POLR1D: variants seen among roughly 807,000 people sequenced by gnomAD.
POLR1D encodes the protein RNA polymerase I and III subunit D, also known as DNA-directed RNA polymerases I and III subunit RPAC2.
A neutral mutation model predicts 10.8 loss-of-function variants in POLR1D; 8 were observed. That is an observed-to-expected ratio of 0.74 (90% CI 0.43 to 1.33). The LOEUF (loss-of-function observed/expected upper bound fraction) is 1.33, where lower values mean the gene tolerates loss of function less well. Among genes scored for constraint, POLR1D ranks in the 40% most tolerant of loss-of-function variants. The pLI, the probability that POLR1D is intolerant of heterozygous loss-of-function variation, is 0.01. For missense variants in POLR1D, 152 were observed against 161.7 expected (o/e 0.94, Z 0.32); for synonymous variants, 54 against 57.2 (o/e 0.94, Z 0.25).
At chr13:27,627,549 A>G (rs1430373227), downstream of POLR1D, among the ~76,000 whole-genome samples, 7 of 152,066 alleles carry the variant, frequency 4.6e-5, no homozygotes, top group Admixed American at 4.6e-4. Flanking sequence ...TCAGAATGGG[A>G]TGGGTGAAAG....
intron 2 of POLR1D, among the ~76,000 whole-genome samples, chr13:27,654,946 C>A (rs1956295544): frequency 1.3e-5 from 2 of 152,282 alleles, no homozygotes; most frequent in East Asian, 3.9e-4. Flanking sequence ...ATGGAAATAG[C>A]TTTGACTTTG....
intron 1 of POLR1D, among the ~76,000 whole-genome samples, chr13:27,631,324 C>G (rs1956071109): frequency 6.6e-6 from 1 of 152,134 alleles, no homozygotes; most frequent in African/African-American, 2.4e-5. Flanking sequence ...CCTGCCAGAG[C>G]CAGGAAAACA....
At chr13:27,662,190 C>A (rs527442821) in intron 2 of POLR1D, among the ~76,000 whole-genome samples, 1 of 152,194 alleles carries the variant, frequency 6.6e-6, no homozygotes, top group East Asian at 1.9e-4. Flanking sequence ...TGCAAAAATT[C>A]CGGATGTATT....
intron 1 of POLR1D, among the ~76,000 whole-genome samples, chr13:27,635,579 AAC>A (rs1425303015): frequency 6.6e-6 from 1 of 151,942 alleles, no homozygotes; most frequent in Non-Finnish European, 1.5e-5. Flanking sequence ...TATTTTAGTT[AAC>A]ATACATAACT....
intron 2 of POLR1D, chr13:27,665,508 T>G: frequency 1.6e-6 from 1 of 630,568 alleles, no homozygotes; most frequent in South Asian, 1.9e-5. Context: ...CCAATCGTCT[T>G]TTTTTTTCCT....
intron 1 of POLR1D, among the ~76,000 whole-genome samples, chr13:27,641,910 T>C (rs978989452): frequency 2.6e-5 from 4 of 152,230 alleles, no homozygotes; most frequent in Non-Finnish European, 5.9e-5. Flanking sequence ...AGCCATGTTA[T>C]GTCTCTGGAC....
intron 1 of POLR1D, among the ~76,000 whole-genome samples, chr13:27,628,865 G>T (rs1407817477): frequency 6.6e-6 from 1 of 152,160 alleles, no homozygotes; most frequent in Non-Finnish European, 1.5e-5. Flanking sequence ...ACCAAGGCTG[G>T]AATGCAGTGG....
At chr13:27,634,661 C>G (rs1047128435) in intron 1 of POLR1D, among the ~76,000 whole-genome samples, 2 of 150,246 alleles carry the variant, frequency 1.3e-5, no homozygotes, top group Non-Finnish European at 3.0e-5. Context: ...GATGGCCTGA[C>G]TCCATAGACT....
chr13:27,659,033 T>C (rs1279413939), intron 2 of POLR1D, among the ~76,000 whole-genome samples: 1 of 152,230 alleles, frequency 6.6e-6, no homozygotes, highest in Non-Finnish European at 1.5e-5. Flanking sequence ...GAATGACTTT[T>C]TTTTATGCTT....
downstream of POLR1D, among the ~76,000 whole-genome samples, chr13:27,626,963 A>G (rs1956016630): frequency 6.6e-6 from 1 of 152,222 alleles, no homozygotes; most frequent in African/African-American, 2.4e-5. Context: ...TTGCATCTCA[A>G]GAGATAGGAA....
intron 1 of POLR1D, among the ~76,000 whole-genome samples, chr13:27,631,043 C>T (rs1226959548): frequency 6.6e-6 from 1 of 152,224 alleles, no homozygotes; most frequent in Non-Finnish European, 1.5e-5. Context: ...TTTCCAAAGT[C>T]GTTTGCTCAG....
chr13:27,638,172 C>CTG (rs2138541937), intron 1 of POLR1D, among the ~76,000 whole-genome samples: 1 of 152,278 alleles, frequency 6.6e-6, no homozygotes, highest in African/African-American at 2.4e-5. Context: ...CTAGAGTGGG[C>CTG]TACACCCTCT....
intron 2 of POLR1D, among the ~76,000 whole-genome samples, chr13:27,651,960 C>G (rs1035839905): frequency 3.3e-5 from 5 of 152,192 alleles, no homozygotes; most frequent in Non-Finnish European, 5.9e-5. Flanking sequence ...GCTCTTCTTT[C>G]CAGCCCTCCT....
At chr13:27,624,758 C>T (rs1004134841), downstream of POLR1D, among the ~76,000 whole-genome samples, 1 of 152,090 alleles carries the variant, frequency 6.6e-6, no homozygotes, top group Non-Finnish European at 1.5e-5. Context: ...CATGGTGACA[C>T]ATGCCTGTAG....
At chr13:27,648,982 T>C (rs978181179) in intron 2 of POLR1D, among the ~76,000 whole-genome samples, 3 of 152,190 alleles carry the variant, frequency 2.0e-5, no homozygotes, top group African/African-American at 7.2e-5. Context: ...CCCAGCACTT[T>C]GGGAGGCCAA....
At chr13:27,640,646 A>T (rs996301468) in intron 1 of POLR1D, among the ~76,000 whole-genome samples, 5 of 152,204 alleles carry the variant, frequency 3.3e-5, no homozygotes, top group African/African-American at 1.2e-4. Flanking sequence ...CTTAAATCAT[A>T]TTACTCTTAT....
upstream of POLR1D, chr13:27,621,832 TGCCGCGCCGC>T: frequency 1.3e-6 from 1 of 771,364 alleles, no homozygotes; most frequent in South Asian, 1.6e-5. Flanking sequence ...GGCTGGGCCC[TGCCGCGCCGC>T]TGCGGCTCCT....
chr13:27,622,279 C>T, intron 1 of POLR1D: 1 of 567,916 alleles, frequency 1.8e-6, no homozygotes, highest in Non-Finnish European at 3.1e-6. Flanking sequence ...AAATCACGCC[C>T]CGGGCCTCTG....
intron 1 of POLR1D, among the ~76,000 whole-genome samples, chr13:27,646,768 G>A (rs1956224428): frequency 6.6e-6 from 1 of 152,182 alleles, no homozygotes; most frequent in African/African-American, 2.4e-5. Context: ...ACGAGAAACA[G>A]ATGAAAAAAG....
Sources: allele counts gnomAD v4.1 joint callset (sites outside exome capture counted in the v4.1 genomes callset), GRCh38; gene constraint gnomAD v4.1.1; transcripts MANE v1.5; gene names NCBI Gene and HGNC (gene_info 2026-07-23, HGNC 2026-07-21).